PHF6: variants seen among roughly 807,000 people sequenced by gnomAD.
PHF6 encodes PHD-like zinc finger protein.
In PHF6, 7 loss-of-function variants were observed where a neutral mutation model predicts 34.0. That is an observed-to-expected ratio of 0.21 (90% confidence interval 0.12 to 0.39). The LOEUF (loss-of-function observed/expected upper bound fraction) is 0.39. PHF6 is among the 10% of genes least tolerant of loss of function. PHF6 has a pLI of 1.00. For missense variants in PHF6, 128 were observed against 262.8 expected, an observed-to-expected ratio of 0.49 and a Z score of 3.55; for synonymous variants, 89 against 88.4, an observed-to-expected ratio of 1.01 and a Z score of -0.04.
intron 8 of PHF6, among the ~76,000 whole-genome samples, chrX:134,415,560 C>T (rs977401554): frequency 1.8e-5 from 2 of 112,089 alleles, no homozygotes; most frequent in African/African-American, 6.5e-5. Context: ...TAAAATACGC[C>T]TTAGTCTCAT....
intron 3 of PHF6, among the ~76,000 whole-genome samples, chrX:134,378,842 G>A (rs139105992): frequency 2.7e-5 from 3 of 112,264 alleles, no homozygotes; most frequent in African/African-American, 9.7e-5. Context: ...GAACTCCTGG[G>A]CTCAAGCTGT....
chrX:134,376,930 G>T (rs1413939590), intron 1 of PHF6, among the ~76,000 whole-genome samples: 1 of 111,727 alleles, frequency 9.0e-6, no homozygotes, highest in East Asian at 2.8e-4. Flanking sequence ...TACTTTTATT[G>T]TTTTATCAAT....
At chrX:134,399,983 C>T (rs760912313) in intron 5 of PHF6, among the ~76,000 whole-genome samples, 1 of 112,163 alleles carries the variant, frequency 8.9e-6, no homozygotes, top group Non-Finnish European at 1.9e-5. Context: ...GATACTTTTA[C>T]TGTCTCCATA....
chrX:134,418,601 C>T (rs764762747), intron 9 of PHF6: 4 of 111,336 alleles, frequency 3.6e-5, no homozygotes, highest in Non-Finnish European at 5.6e-5. Flanking sequence ...CTACATAAGG[C>T]GCTATGCTGT....
chrX:134,385,976 A>AAC, intron 3 of PHF6, among the ~76,000 whole-genome samples: 1 of 111,818 alleles, frequency 8.9e-6, no homozygotes, highest in Non-Finnish European at 1.9e-5. Flanking sequence ...ATATGGTTTA[A>AAC]CCTTAGAAGT....
intron 7 of PHF6, 49 bp from the exon 8 acceptor site, chrX:134,414,967 C>A: frequency 1.0e-6 from 1 of 987,684 alleles, no homozygotes; most frequent in Non-Finnish European, 1.4e-6. Flanking sequence ...TTTAATGTTT[C>A]TCTCATAAGG....
intron 5 of PHF6, among the ~76,000 whole-genome samples, chrX:134,396,028 T>A (rs2077375772): frequency 1.8e-5 from 2 of 112,146 alleles, no homozygotes; most frequent in Non-Finnish European, 3.8e-5. Context: ...TTTCATTCTC[T>A]TTAAGACTGT....
intron 3 of PHF6, among the ~76,000 whole-genome samples, chrX:134,384,529 G>T (rs944846659): frequency 4.0e-5 from 4 of 99,414 alleles, no homozygotes; most frequent in Non-Finnish European, 8.1e-5. Context: ...CGCCCACCAC[G>T]CCCACTCCCT....
chrX:134,378,742 G>A (rs1057345173), intron 3 of PHF6, among the ~76,000 whole-genome samples: 2 of 111,880 alleles, frequency 1.8e-5, no homozygotes, highest in African/African-American at 3.2e-5. Flanking sequence ...GACACATTAT[G>A]GTTTACTTTG....
At chrX:134,379,529 C>T (rs2077296715) in intron 3 of PHF6, among the ~76,000 whole-genome samples, 1 of 95,975 alleles carries the variant, frequency 1.0e-5, no homozygotes, top group South Asian at 5.7e-4. Context: ...GGTAACCTCT[C>T]TCTACTGGGT....
intron 1 of PHF6, 125 bp from the exon 2 acceptor site, chrX:134,377,447 A>G: frequency 4.2e-6 from 2 of 473,831 alleles, no homozygotes; most frequent in Middle Eastern, 6.3e-4. Flanking sequence ...TAATTTGTCT[A>G]TACTAAATAA....
intron 3 of PHF6, among the ~76,000 whole-genome samples, chrX:134,390,871 G>A (rs1299410561): frequency 9.1e-6 from 1 of 109,964 alleles, no homozygotes; most frequent in Non-Finnish European, 1.9e-5. Context: ...AGATCTTCCT[G>A]AGCCATTCCA....
At chrX:134,412,256 C>A (rs910861023) in intron 5 of PHF6, among the ~76,000 whole-genome samples, 2 of 111,945 alleles carry the variant, frequency 1.8e-5, no homozygotes, top group African/African-American at 6.5e-5. Flanking sequence ...CCCCTTAACT[C>A]CCTCAAGTCC....
chrX:134,396,773 A>G (rs1432104889), intron 5 of PHF6, among the ~76,000 whole-genome samples: 2 of 110,473 alleles, frequency 1.8e-5, no homozygotes, highest in Non-Finnish European at 1.9e-5. Context: ...CAGAACTTCC[A>G]ATTATTCCAT....
chrX:134,377,766 C>T lies in PHF6; in HGVS notation c.138+11C>T, dbSNP rs371510284. The T allele has an allele frequency of 6.7e-6, 8 of 1,201,626 alleles. No individual in the cohort carries two copies. Among genetic ancestry groups the T allele is most frequent in the African/African-American group, 3.6e-5 (2 of 56,206 alleles). ...CACCATAAGTGCATGGTAAGTATAC[C>T]GGCAGCAACAGAGACCTTGAAACGA... is the stretch of plus-strand genomic sequence containing the variant. On this transcript the variant is annotated intron_variant, in intron 2 of 10. Coordinates refer to ENST00000370803, the MANE Select transcript of PHF6 (RefSeq NM_001015877.2).
intron 9 of PHF6, among the ~76,000 whole-genome samples, chrX:134,422,169 C>G (rs777923495): frequency 9.0e-6 from 1 of 111,129 alleles, no homozygotes; most frequent in African/African-American, 3.3e-5. Context: ...GCGATCCACC[C>G]GCCCCAGCCT....
intron 5 of PHF6, among the ~76,000 whole-genome samples, chrX:134,410,600 G>A (rs2077445824): frequency 9.2e-6 from 1 of 108,887 alleles, no homozygotes; most frequent in Admixed American, 1.0e-4. Context: ...CAGAGGTACA[G>A]CAGAAGCAGA....
chrX:134,412,303 T>C (rs2077454294), intron 5 of PHF6, among the ~76,000 whole-genome samples: 1 of 112,207 alleles, frequency 8.9e-6, no homozygotes. Flanking sequence ...ATGTAAATTG[T>C]TATTAACTGT....
rs767980751 is a variant in PHF6 at position 134,377,577 on chromosome X, C to T, written c.-41C>T. On this transcript the variant is annotated 5_prime_UTR_variant, in exon 2 of 11. Transcript: ENST00000370803. ...GCCCTTCTTATTCTCTGTAGCATTT[C>T]TTGAGACTTAAAGTGGCATTCTAAA... is the stretch of plus-strand genomic sequence containing the variant. The T allele has an allele frequency of 8.5e-7, 1 of 1,182,419 alleles. No homozygotes were observed. The highest frequency in any genetic ancestry group is 1.1e-6 in the Non-Finnish European group (1 of 877,076).
Sources: gnomAD v4.1 joint callset for allele counts (sites outside exome capture counted in the v4.1 genomes callset) on GRCh38, gnomAD v4.1.1 for gene constraint, MANE v1.5 for transcripts, NCBI Gene and HGNC (gene_info 2026-07-23, HGNC 2026-07-21) for gene names.